PRR5L: variants seen among roughly 807,000 people sequenced by gnomAD.
The protein encoded by PRR5L is proline-rich protein 5-like.
In PRR5L, 21 loss-of-function variants were observed where a neutral mutation model predicts 36.4. The observed-to-expected ratio is 0.58, with a 90% CI of 0.41 to 0.83. The LOEUF is 0.83. Ranked by LOEUF, PRR5L falls within the 40% of genes least tolerant of loss-of-function variation. The probability of loss-of-function intolerance (pLI) is 0.00; values close to 1 mark genes in which losing one functional copy is unlikely to be tolerated. For missense variants in PRR5L, 381 were observed against 473.3 expected (o/e 0.80, Z 1.81); for synonymous variants, 188 against 197.0 (o/e 0.95, Z 0.38).
chr11:36,346,711 T>C (rs1276890551), intron 1 of PRR5L, among the ~76,000 whole-genome samples: 1 of 152,168 alleles, frequency 6.6e-6, no homozygotes, highest in Non-Finnish European at 1.5e-5. Flanking sequence ...TATTATGAAA[T>C]ACTAGATAGC....
chr11:36,437,353 T>C (rs997498625), intron 5 of PRR5L, 32 bp from the exon 6 acceptor site: 26 of 1,371,536 alleles, frequency 1.9e-5, no homozygotes, highest in Non-Finnish European at 2.7e-5. Flanking sequence ...TTTTCTTTCT[T>C]CCTCCCTTCC....
intron 1 of PRR5L, among the ~76,000 whole-genome samples, chr11:36,316,432 C>T (rs1369872431): frequency 1.3e-5 from 2 of 152,152 alleles, no homozygotes; most frequent in Non-Finnish European, 2.9e-5. Flanking sequence ...TATTATTACT[C>T]AAATCAGTCT....
chr11:36,343,273 C>G (rs1320629785), intron 1 of PRR5L, among the ~76,000 whole-genome samples: 2 of 152,180 alleles, frequency 1.3e-5, no homozygotes, highest in Non-Finnish European at 2.9e-5. Context: ...AGTACATGTA[C>G]TCTCAGTGAG....
rs1856904535 is a variant in PRR5L at position 36,349,439 on chromosome 11, G to T, written c.-125-51558G>T. ...ATCATTCACCTGGAACTGAACCAGGGCCAGTGAGGGAGGGGAAACAGGAGG... is the reference window on the plus strand; with the variant it reads ...ATCATTCACCTGGAACTGAACCAGGTCCAGTGAGGGAGGGGAAACAGGAGG... On this transcript the variant is annotated intron_variant, in intron 1 of 8. Coordinates refer to ENST00000530639, the MANE Select transcript of PRR5L (RefSeq NM_001160167.2). Among the ~76,000 whole-genome samples, 4 of 152,272 alleles carry T rather than the reference G, an allele frequency of 2.6e-5. No individual in the cohort carries two copies. The South Asian group carries it at 8.3e-4, about 32-fold the overall frequency.
intron 1 of PRR5L, among the ~76,000 whole-genome samples, chr11:36,359,471 C>T (rs1259309068): frequency 6.6e-6 from 1 of 152,142 alleles, no homozygotes; most frequent in Non-Finnish European, 1.5e-5. Context: ...AATTTTTTTA[C>T]ATATTAATTA....
At chr11:36,450,511 C>G (rs1350102650) in intron 7 of PRR5L, among the ~76,000 whole-genome samples, 1 of 152,200 alleles carries the variant, frequency 6.6e-6, no homozygotes, top group East Asian at 1.9e-4. Flanking sequence ...ATTCTTTACT[C>G]AGGGCTTAGC....
Position 36,424,826 on chromosome 11 carries a change from G to GT in PRR5L, c.294+5536dup, listed in dbSNP as rs74457355. On this transcript the variant is annotated intron_variant, in intron 4 of 8. Transcript: ENST00000530639. Reference sequence around the variant, plus strand: ...TCTGGGGTTAGGGCCCAAGTGATCTGTTTTTTTTTTTTTAGACAAAGTCTT... The same window carrying GT: ...TCTGGGGTTAGGGCCCAAGTGATCTGTTTTTTTTTTTTTTAGACAAAGTCTT... Among the ~76,000 whole-genome samples the GT allele has an allele frequency of 8.2e-3, 1,175 of 142,956 alleles. 7 individuals carry two copies. The highest frequency in any genetic ancestry group is 0.022 in the African/African-American group (879 of 39,300). The allele number at this position is 142,956 out of a possible 152,430, so 93.8% of individuals were successfully genotyped here.
chr11:36,311,706 T>A (rs961723352), intron 1 of PRR5L, among the ~76,000 whole-genome samples: 4 of 152,174 alleles, frequency 2.6e-5, no homozygotes. Context: ...GGGCTTTTGC[T>A]GAATGTTTTG....
chr11:36,425,487 G>C (rs146141681), intron 4 of PRR5L: 1 of 152,192 alleles, frequency 6.6e-6, no homozygotes, highest in East Asian at 1.9e-4. Flanking sequence ...TTTTCGTTTT[G>C]CATGTTCAGC....
At chr11:36,333,042 G>A (rs1856734927) in intron 1 of PRR5L, among the ~76,000 whole-genome samples, 2 of 152,160 alleles carry the variant, frequency 1.3e-5, no homozygotes, top group Admixed American at 1.3e-4. Flanking sequence ...AACTACAGGA[G>A]TCTCCTAACT....
chr11:36,376,089 T>G (rs999304508), intron 1 of PRR5L: 1 of 1,220,040 alleles, frequency 8.2e-7, no homozygotes, highest in Non-Finnish European at 1.1e-6. Flanking sequence ...CTTGACCTGC[T>G]GCATCCTCCT....
rs746400317 is a variant in PRR5L, at chr11:36,462,488, G to A, written c.859G>A (p.Val287Met). Reference sequence around the variant, plus strand: ...AGCCTACCTGGAGAAGTGTGGCAGCGTGCGGCGGCACACGGTGGCCAATGC... The same window carrying A: ...AGCCTACCTGGAGAAGTGTGGCAGCATGCGGCGGCACACGGTGGCCAATGC... The part of the protein sequence containing the change: ...GEAYLEKCGS[V>M]RRHTVANAHS... Residue 287 changes from valine (V) to methionine (M), a missense_variant, in exon 9 of 9, where the codon GTG becomes ATG. Coordinates refer to ENST00000530639, the MANE Select transcript of PRR5L (RefSeq NM_001160167.2). The A allele has an allele frequency of 9.9e-6, 16 of 1,608,700 alleles. No individual in the cohort carries two copies. The South Asian group carries it at 1.2e-4, about 12-fold the overall frequency.
Position 36,377,204 on chromosome 11 carries a change from A to C in PRR5L, c.-125-23793A>C, listed in dbSNP as rs1160404802. ...TTTTCTGGAGGGAGGCGTGGGAGAG[A>C]AGGGCAGGGCAGGGAGCCACTTTGT... On this transcript the variant is annotated intron_variant, in intron 1 of 8. Transcript: ENST00000530639. This position sits in a 1 kb window ranked among gnomAD's most constrained non-coding sequence, Gnocchi z 5.1. Among the ~76,000 whole-genome samples the C allele has an allele frequency of 6.6e-6, 1 of 152,102 alleles. No homozygotes were observed. Among genetic ancestry groups the C allele is most frequent in the Non-Finnish European group, 1.5e-5 (1 of 68,012 alleles).
chr11:36,319,682 CTT>C (rs10565468), intron 1 of PRR5L, among the ~76,000 whole-genome samples: 112,415 of 140,790 alleles, frequency 0.8, 44,516 homozygotes, highest in East Asian at 0.87. Flanking sequence ...ACTAAATTTC[CTT>C]TTTTTTTTTT....
At chr11:36,364,110 G>T (rs1857121371) in intron 1 of PRR5L, among the ~76,000 whole-genome samples, 1 of 152,136 alleles carries the variant, frequency 6.6e-6, no homozygotes, top group Admixed American at 6.5e-5. Context: ...GTGACTTTGG[G>T]CAAGTTACTT....
At chr11:36,349,958 C>A (rs1419644446) in intron 1 of PRR5L, 1 of 152,118 alleles carries the variant, frequency 6.6e-6, no homozygotes, top group Non-Finnish European at 1.5e-5. Context: ...ACACGAGCAA[C>A]TCTCTGGGGA....
rs1858626661 is a variant in PRR5L at position 36,437,384 on chromosome 11, G to C, written c.353-1G>C. 2 of 1,601,110 alleles carry C rather than the reference G, an allele frequency of 1.2e-6. No homozygotes were observed. The highest frequency in any genetic ancestry group is 1.7e-6 in the Non-Finnish European group (2 of 1,168,162). On this transcript the variant is annotated splice_acceptor_variant, in intron 5 of 8. Coordinates refer to ENST00000530639, the MANE Select transcript of PRR5L (RefSeq NM_001160167.2). LOFTEE classifies it high-confidence loss of function. ...CTTCCCATCTTCTCGCCCTCTTGTA[G>C]GTGAAAATCGCATTGAGGTTCTGGC...
At chr11:36,436,640 C>T (rs1858610693) in intron 5 of PRR5L, among the ~76,000 whole-genome samples, 1 of 152,150 alleles carries the variant, frequency 6.6e-6, no homozygotes, top group Admixed American at 6.6e-5. Flanking sequence ...AGCTGAAACC[C>T]AGAATAAAGC....
At chr11:36,342,119 G>A (rs995674722) in intron 1 of PRR5L, among the ~76,000 whole-genome samples, 1 of 152,210 alleles carries the variant, frequency 6.6e-6, no homozygotes, top group African/African-American at 2.4e-5. Context: ...CTCAAGGTGG[G>A]TCGGCAGAGG....
Sources: gnomAD v4.1 joint callset for allele counts (sites outside exome capture counted in the v4.1 genomes callset) on GRCh38, gnomAD v4.1.1 for gene constraint, Gnocchi (gnomAD v3.1) non-coding constraint, MANE v1.5 for transcripts, NCBI Gene and HGNC (gene_info 2026-07-23, HGNC 2026-07-21) for gene names.